The following GLUL variants were observed in gnomAD, a reference collection of about 807,000 sequenced individuals.
The protein encoded by GLUL is glutamate-ammonia ligase, also known as glutamine synthetase.
In GLUL, 8 loss-of-function variants were observed where a neutral mutation model predicts 36.9. The ratio of observed to expected loss-of-function variants is 0.22; its 90% CI spans 0.13 to 0.39. GLUL has a LOEUF of 0.39. Ranked by LOEUF, GLUL falls within the 10% of genes least tolerant of loss-of-function variation. The pLI is 1.00. For synonymous variants in GLUL, 182 were observed against 172.8 expected (o/e 1.05, Z -0.42); for missense variants, 315 against 501.8 (o/e 0.63, Z 3.56).
intron 1 of GLUL, chr1:182,390,421 A>G: frequency 2.5e-6 from 1 of 398,222 alleles, no homozygotes; most frequent in Non-Finnish European, 4.4e-6. Context: ...ACGTGGGGGA[A>G]ATGGATTCTG....
At chr1:182,387,984 G>A (rs183054642) in intron 2 of GLUL, among the ~76,000 whole-genome samples, 1 of 152,284 alleles carries the variant, frequency 6.6e-6, no homozygotes, top group East Asian at 1.9e-4. Flanking sequence ...CTTTCCTCTG[G>A]CCCCTTTCCA....
In GLUL at chr1:182,387,230, T is replaced by A. The variant is rs1406089014; in HGVS notation, c.229A>T (p.Met77Leu). 6.2e-7 allele frequency: 1 copy of A among 1,612,204 alleles called. No individual in the cohort carries two copies. Among genetic ancestry groups the A allele is most frequent in the South Asian group, 1.1e-5 (1 of 91,048 alleles). The change falls in exon 3 of 7, where the codon ATG (methionine) becomes TTG (leucine). Residue 77 changes from methionine to leucine, a missense_variant. Met to Leu is a conservative substitution (Grantham distance 15). This residue lies in a region of GLUL where 256 missense variants were observed against 396.1 expected (regional missense o/e 0.65). Transcript: ENST00000331872. ...TLQSEGSNSD[M>L]YLVPAAMFRD... The stretch of plus-strand genomic sequence containing the variant: ...AACATGGCAGCAGGCACGAGATACA[T>A]GTCACTGTTGGAACCCTCAGACTGT...
At position 182,384,219 on chromosome 1, in the gene GLUL, AAATT is replaced by A. The variant is rs1266772602; in HGVS notation, c.*182_*185del. The stretch of plus-strand genomic sequence containing the variant: ...GAAAAAAAGGAGGGTAGGTGTGAAG[AAATT>A]AATAACTTGACCCCTCTATCCCAGC... On this transcript the variant is annotated 3_prime_UTR_variant, in exon 7 of 7. Transcript: ENST00000331872. 5 of 621,636 alleles carry A rather than the reference AAATT, an allele frequency of 8.0e-6. No homozygotes were observed. The highest frequency in any genetic ancestry group is 1.8e-5 in the South Asian group (1 of 54,270). The allele number at this position is 621,636 out of a possible 1,614,324, so 38.5% of individuals were successfully genotyped here.
intron 1 of GLUL, chr1:182,391,431 C>G (rs967883170): frequency 7.7e-6 from 3 of 388,394 alleles, no homozygotes; most frequent in African/African-American, 4.1e-5. Context: ...CAACTCACCC[C>G]GCCCTTCCCA....
intron 6 of GLUL, 42 bp downstream of exon 6, chr1:182,385,315 T>C (rs768671501): frequency 2.9e-5 from 42 of 1,453,284 alleles, no homozygotes; most frequent in Non-Finnish European, 3.7e-5. Context: ...CCAAGTTTTC[T>C]GCCACAGGAG....
chr1:182,381,579 T>C lies in GLUL; in HGVS notation c.*2826A>G, dbSNP rs1005781368. 6.6e-6 allele frequency: 1 copy of C among 152,096 alleles called. No homozygotes were observed. The highest frequency in any genetic ancestry group is 6.6e-5 in the Admixed American group (1 of 15,266). 9.4% of individuals were successfully genotyped at this position (152,096 alleles called of 1,614,324 possible). On this transcript the variant is annotated 3_prime_UTR_variant, in exon 7 of 7. Coordinates refer to ENST00000331872, the MANE Select transcript of GLUL (RefSeq NM_001033044.4). ...CCTGTAGGTCAAAGCTAATTCTAGG[T>C]GAGAGGGTGAAGAAACAAATATGCT... is the stretch of plus-strand genomic sequence containing the variant.
Position 182,383,899 on chromosome 1 carries a change from C to T in GLUL, c.*506G>A, listed in dbSNP as rs768978750. 4.4e-5 allele frequency: 8 copies of T among 181,044 alleles called. No individual in the cohort carries two copies. Among genetic ancestry groups the T allele is most frequent in the Non-Finnish European group, 6.0e-5 (5 of 83,960 alleles). The allele number at this position is 181,044 out of a possible 1,614,324, so 11.2% of individuals were successfully genotyped here. On this transcript the variant is annotated 3_prime_UTR_variant, in exon 7 of 7. Coordinates refer to ENST00000331872, the MANE Select transcript of GLUL (RefSeq NM_001033044.4). ...CAGGCTAGTCCCACAAGCAAGAGACCAAAGCCATTCTCTCTGATTCCCAAC... is the reference window on the plus strand; with the variant it reads ...CAGGCTAGTCCCACAAGCAAGAGACTAAAGCCATTCTCTCTGATTCCCAAC...
At position 182,378,844 on chromosome 1, in the gene GLUL, C is replaced by T. The variant is rs1403530101; in HGVS notation, c.*5561G>A. ...CTAGGCTGGAGTGCAATGGTGCAAG[C>T]TTGGCTCACTGCAACCTCCGGCTCT... On this transcript the variant is annotated 3_prime_UTR_variant, in exon 7 of 7. Transcript: ENST00000331872. Among the ~76,000 whole-genome samples the T allele has an allele frequency of 6.6e-6, 1 of 152,066 alleles. No homozygotes were observed. The highest frequency in any genetic ancestry group is 1.5e-5 in the Non-Finnish European group (1 of 68,030).
chr1:182,388,565 G>T lies in GLUL; in HGVS notation c.166+7C>A. 6.2e-7 allele frequency: 1 copy of T among 1,613,298 alleles called. No individual in the cohort carries two copies. Among genetic ancestry groups the T allele is most frequent in the Non-Finnish European group, 8.5e-7 (1 of 1,179,284 alleles). ...AGCATGTGCTCCACTCCACATTGCT[G>T]TCTCACCTTCCACACACTTGGGCTC... On this transcript the variant is annotated splice_region_variant and intron_variant, in intron 2 of 6. Coordinates refer to ENST00000331872, the MANE Select transcript of GLUL (RefSeq NM_001033044.4).
rs1237076264 is a variant in GLUL at position 182,382,799 on chromosome 1, A to C, written c.*1606T>G. ...TCACTCCAGTGTTTTAAAAACTCAG[A>C]GTACATAAACTTGAGCTTATTTTGC... On this transcript the variant is annotated 3_prime_UTR_variant, in exon 7 of 7. Coordinates refer to ENST00000331872, the MANE Select transcript of GLUL (RefSeq NM_001033044.4). The C allele has an allele frequency of 6.6e-6, 1 of 152,204 alleles. No individual in the cohort carries two copies. Among genetic ancestry groups the C allele is most frequent in the Admixed American group, 6.5e-5 (1 of 15,276 alleles). 9.4% of individuals were successfully genotyped at this position (152,204 alleles called of 1,614,324 possible). A position where few individuals can be genotyped will look rare whatever the true frequency, so the allele number is the denominator to read the frequency against.
chr1:182,384,191 A>AG lies in GLUL; in HGVS notation c.*213dup. The AG allele has an allele frequency of 1.8e-6, 1 of 558,990 alleles. No homozygotes were observed. 34.6% of individuals were successfully genotyped at this position (558,990 alleles called of 1,614,324 possible). A position where few individuals can be genotyped will look rare whatever the true frequency, so the allele number is the denominator to read the frequency against. On this transcript the variant is annotated 3_prime_UTR_variant, in exon 7 of 7. Transcript: ENST00000331872. ...TAATGCACTAAAAAGCTTCAGTGAT[A>AG]GGGAAAAAAAGGAGGGTAGGTGTGA...
Position 182,387,270 on chromosome 1 carries a change from A to G in GLUL, c.189T>C (p.Asp63=), listed in dbSNP as rs1178638457. 7 of 1,613,256 alleles carry G rather than the reference A, an allele frequency of 4.3e-6. No individual in the cohort carries two copies. Among genetic ancestry groups the G allele is most frequent in the Non-Finnish European group, 5.1e-6 (6 of 1,179,314 alleles). Residue 63 remains aspartate, a synonymous_variant, in exon 3 of 7, where the codon GAT becomes GAC. Transcript: ENST00000331872. The stretch of plus-strand genomic sequence containing the variant: ...CCTCAGACTGTAAAGTACTAGAGCC[A>G]TCGAAATTCCACTCAGGCAACTCTG... ...CVEELPEWNF[D]GSSTLQSEGS...
rs1219839806 is a variant in GLUL, at chr1:182,382,181, AT to A, written c.*2223del. On this transcript the variant is annotated 3_prime_UTR_variant, in exon 7 of 7. Coordinates refer to ENST00000331872, the MANE Select transcript of GLUL (RefSeq NM_001033044.4). Reference sequence around the variant, plus strand: ...ATGCTATTAATAATATTGCACTCCAATGTGTCCAATAATTGCTTTTTGCTAG... The same window carrying A: ...ATGCTATTAATAATATTGCACTCCAAGTGTCCAATAATTGCTTTTTGCTAG... 3 of 152,306 alleles carry A rather than the reference AT, an allele frequency of 2.0e-5. No individual in the cohort carries two copies. The highest frequency in any genetic ancestry group is 7.2e-5 in the African/African-American group (3 of 41,568). 9.4% of individuals were successfully genotyped at this position (152,306 alleles called of 1,614,324 possible).
Position 182,384,508 on chromosome 1 carries a change from C to A in GLUL, c.1019G>T (p.Arg340Leu). ...GQEKKGYFEDRRPSANCDPFS... is the reference protein window; with the variant it reads ...GQEKKGYFEDLRPSANCDPFS... ...GGGGTCGCAGTTGGCAGAGGGGCGACGATCTTCAAAGTAACCCTTCTTCTC... is the reference window on the plus strand; with the variant it reads ...GGGGTCGCAGTTGGCAGAGGGGCGAAGATCTTCAAAGTAACCCTTCTTCTC... The change falls in exon 7 of 7, where the codon CGT becomes CTT. Residue 340 changes from arginine (R) to leucine (L), a missense_variant. Coordinates refer to ENST00000331872, the MANE Select transcript of GLUL (RefSeq NM_001033044.4). 9 of 1,613,986 alleles carry A rather than the reference C, an allele frequency of 5.6e-6. No homozygotes were observed. The highest frequency in any genetic ancestry group is 6.8e-6 in the Non-Finnish European group (8 of 1,179,908).
Position 182,388,624 on chromosome 1 carries a change from T to G in GLUL, c.114A>C (p.Glu38Asp). Reference sequence around the variant, plus strand: ...GGGTCCGGGTCTTGCAGCGCAGTCCTTCTCCAGTACCATCGATCCAGATAT... The same window carrying G: ...GGGTCCGGGTCTTGCAGCGCAGTCCGTCTCCAGTACCATCGATCCAGATAT... ...AMYIWIDGTG[E>D]GLRCKTRTLD... The change falls in exon 2 of 7, where the codon GAA becomes GAC. Residue 38 changes from glutamate (E) to aspartate (D), a missense_variant. Glu to Asp is a conservative substitution (Grantham distance 45). Around this residue, in one of 3 missense-constraint regions of GLUL, gnomAD observed 256 missense variants for 396.1 expected, o/e 0.65. Transcript: ENST00000331872. 6.2e-7 allele frequency: 1 copy of G among 1,613,882 alleles called. No individual in the cohort carries two copies. Among genetic ancestry groups the G allele is most frequent in the Non-Finnish European group, 8.5e-7 (1 of 1,179,816 alleles).
intron 3 of GLUL, chr1:182,386,891 C>G (rs116822259): frequency 1.1e-3 from 633 of 572,964 alleles, no homozygotes; most frequent in Non-Finnish European, 1.7e-3. Context: ...ACTCCAAGAC[C>G]GGCAAACAGA....
rs1649897233 is a variant in GLUL at position 182,380,681 on chromosome 1, A to C, written c.*3724T>G. 6.6e-6 allele frequency among the ~76,000 whole-genome samples: 1 copy of C among 152,224 alleles called. No individual in the cohort carries two copies. Among genetic ancestry groups the C allele is most frequent in the Admixed American group, 6.5e-5 (1 of 15,286 alleles). On this transcript the variant is annotated 3_prime_UTR_variant, in exon 7 of 7. Coordinates refer to ENST00000331872, the MANE Select transcript of GLUL (RefSeq NM_001033044.4). ...AATACAGTCAAACAACAAAGACCTC[A>C]TAGAGTTAAAGCTCACAAAACTGAT... is the stretch of plus-strand genomic sequence containing the variant.
At chr1:182,390,878 T>C (rs556724571) in intron 1 of GLUL, 2 of 399,000 alleles carry the variant, frequency 5.0e-6, no homozygotes, top group African/African-American at 2.1e-5. Flanking sequence ...GGAGTTATAA[T>C]TATCCACTTT....
In GLUL at chr1:182,390,543, C is replaced by A. The variant is rs4110992; in HGVS notation, c.-14+1136G>T. 5,674 of 399,164 alleles carry A rather than the reference C, an allele frequency of 0.014. 120 individuals carry two copies. Among genetic ancestry groups the A allele is most frequent in the Admixed American group, 0.07 (1,584 of 22,734 alleles). The allele number at this position is 399,164 out of a possible 1,614,324, so 24.7% of individuals were successfully genotyped here. ...GTATCGTTAGGGTTGCCCTCTTTAA[C>A]CCTTCTCTTTTTGGAGTGGCGTTCG... On this transcript the variant is annotated intron_variant, in intron 1 of 6. Coordinates refer to ENST00000331872, the MANE Select transcript of GLUL (RefSeq NM_001033044.4).
Sources: gnomAD v4.1 joint callset for allele counts (sites outside exome capture counted in the v4.1 genomes callset) on GRCh38, gnomAD v4.1.1 for gene constraint, gnomAD v4.1.1 regional missense constraint, MANE v1.5 for transcripts, NCBI Gene and HGNC (gene_info 2026-07-23, HGNC 2026-07-21) for gene names.